Variants in LONP2 observed in about 807,000 individuals in gnomAD.
LONP2 encodes lon peptidase 2, peroxisomal, also known as lon protease homolog 2, peroxisomal.
A neutral mutation model predicts 85.6 loss-of-function variants in LONP2; 60 were observed. The ratio of observed to expected loss-of-function variants is 0.70; its 90% CI spans 0.57 to 0.87. LONP2 has a LOEUF of 0.87. Among genes scored for constraint, LONP2 ranks in the 40% least tolerant of loss-of-function variants. The probability of loss-of-function intolerance (pLI) is 0.00; values close to 1 mark genes in which losing one functional copy is unlikely to be tolerated. For missense variants in LONP2, 860 were observed against 1,063.5 expected (o/e 0.81, Z 2.66); for synonymous variants, 395 against 389.7 (o/e 1.01, Z -0.16).
intron 11 of LONP2, among the ~76,000 whole-genome samples, chr16:48,306,104 C>A (rs79274822): frequency 6.6e-6 from 1 of 152,168 alleles, no homozygotes; most frequent in Non-Finnish European, 1.5e-5. Flanking sequence ...TTCCTTTGTG[C>A]TGTGATCTCA....
At chr16:48,321,614 T>A (rs1195669086) in intron 11 of LONP2, among the ~76,000 whole-genome samples, 1 of 152,240 alleles carries the variant, frequency 6.6e-6, no homozygotes, top group East Asian at 1.9e-4. Flanking sequence ...TATAGCTTTC[T>A]ACACACCTAG....
At chr16:48,349,152 A>G (rs1350483439) in intron 14 of LONP2, among the ~76,000 whole-genome samples, 1 of 152,108 alleles carries the variant, frequency 6.6e-6, no homozygotes, top group East Asian at 1.9e-4. Context: ...ACAGAACTTG[A>G]GAGTATTTAA....
chr16:48,298,626 GGTGTGTGTGTGTGTGTGT>G (rs3138605), intron 9 of LONP2, among the ~76,000 whole-genome samples: 20 of 134,396 alleles, frequency 1.5e-4, no homozygotes, highest in Admixed American at 3.1e-4. Flanking sequence ...ATTTAATTGA[GGTGTGTGTGTGTGTGTGT>G]GTGTGTGTGT....
intron 11 of LONP2, among the ~76,000 whole-genome samples, chr16:48,332,667 T>C (rs1959494813): frequency 6.7e-6 from 1 of 149,250 alleles, no homozygotes. Flanking sequence ...GCCATGATTG[T>C]GGCACTACAC....
At chr16:48,351,555 C>A (rs745876135) in intron 14 of LONP2, 26 bp from the exon 15 acceptor site, 1 of 1,602,734 alleles carries the variant, frequency 6.2e-7, no homozygotes, top group African/African-American at 1.3e-5. Flanking sequence ...ATCATTAACC[C>A]TAAAAACTTT....
rs529955822 is a variant in LONP2, at chr16:48,308,184, C to T, written c.1795+4879C>T. 2.6e-5 allele frequency among the ~76,000 whole-genome samples: 4 copies of T among 152,206 alleles called. No individual in the cohort carries two copies. In the South Asian group the frequency reaches 8.3e-4, roughly 32 times the overall value. On this transcript the variant is annotated intron_variant, in intron 11 of 14. Coordinates refer to ENST00000285737, the MANE Select transcript of LONP2 (RefSeq NM_031490.5). The stretch of plus-strand genomic sequence containing the variant: ...AGAATGCAGAAACTAGAAATAAAGC[C>T]ACAAATCTACAGCCAACTGATCTTT...
At chr16:48,271,174 TCAAACAAA>T (rs112143182) in intron 7 of LONP2, among the ~76,000 whole-genome samples, 2,067 of 152,056 alleles carry the variant, frequency 0.014, 47 homozygotes, top group African/African-American at 0.047. Flanking sequence ...AGACATTATC[TCAAACAAA>T]CAAACAAACA....
At chr16:48,361,462 C>G, downstream of LONP2, 1 of 928,116 alleles carries the variant, frequency 1.1e-6, no homozygotes, top group Non-Finnish European at 1.7e-6. Context: ...TTTTTATTTA[C>G]CTTCATGTGT....
In LONP2 at chr16:48,258,759, C is replaced by A. The variant is rs750945646; in HGVS notation, c.723+19C>A. ...TAAGAGGGTAAATATTTATTTTAAC[C>A]CATTTCAGTTTTGAAAAAAAAATAA... is the stretch of plus-strand genomic sequence containing the variant. On this transcript the variant is annotated intron_variant, in intron 4 of 14. Coordinates refer to ENST00000285737, the MANE Select transcript of LONP2 (RefSeq NM_031490.5). 1.3e-6 allele frequency: 2 copies of A among 1,575,896 alleles called. No individual in the cohort carries two copies. The highest frequency in any genetic ancestry group is 8.6e-7 in the Non-Finnish European group (1 of 1,166,904).
Position 48,262,967 on chromosome 16 carries a change from C to T in LONP2, c.982+95C>T, listed in dbSNP as rs866818242. 4.2e-5 allele frequency: 32 copies of T among 753,186 alleles called. No individual in the cohort carries two copies. The Middle Eastern group carries it at 1.7e-3, about 39-fold the overall frequency. The allele number at this position is 753,186 out of a possible 1,614,324, so 46.7% of individuals were successfully genotyped here. On this transcript the variant is annotated intron_variant, in intron 6 of 14. Coordinates refer to ENST00000285737, the MANE Select transcript of LONP2 (RefSeq NM_031490.5). ...CAAATTTACTCCACTGATTGTCGTA[C>T]TGTTAAATTATTTTTGTTTTCAATT...
chr16:48,347,736 G>C (rs776995256), intron 13 of LONP2, 22 bp downstream of exon 13: 1 of 1,602,128 alleles, frequency 6.2e-7, no homozygotes. Context: ...CACCCGGCCA[G>C]GCAGGCGTGA....
At chr16:48,358,753 T>C (rs1960466128), downstream of LONP2, among the ~76,000 whole-genome samples, 1 of 152,152 alleles carries the variant, frequency 6.6e-6, no homozygotes, top group Non-Finnish European at 1.5e-5. Context: ...CCCAGGAGTT[T>C]GAGGCTGCAG....
At chr16:48,277,154 A>G (rs1488442579) in intron 7 of LONP2, among the ~76,000 whole-genome samples, 184 bp from the exon 8 acceptor site, 1 of 152,258 alleles carries the variant, frequency 6.6e-6, no homozygotes, top group Non-Finnish European at 1.5e-5. Context: ...AGTAGAAGAT[A>G]AGATTAGAAT....
intron 8 of LONP2, among the ~76,000 whole-genome samples, chr16:48,293,359 C>T (rs1343090964): frequency 6.6e-6 from 1 of 151,722 alleles, no homozygotes; most frequent in Non-Finnish European, 1.5e-5. Context: ...GCCCGGGAGG[C>T]GGAGCTTGCA....
In LONP2 at chr16:48,270,075, A is replaced by T; in HGVS notation, c.1042A>T (p.Lys348Ter). The change falls in exon 7 of 15, where the codon AAA (lysine) becomes TAA (stop). Residue 348 changes from lysine to a stop codon, truncating the protein, a stop_gained. Coordinates refer to ENST00000285737, the MANE Select transcript of LONP2 (RefSeq NM_031490.5). LOFTEE classifies it high-confidence loss of function. ...LLDNDHYAME[K>*]LKKRVLEYLA... ...GGATAATGACCATTACGCCATGGAA[A>T]AATTGAAGAAAAGAGTACTGGAATA... 1 of 1,614,052 alleles carries T rather than the reference A, an allele frequency of 6.2e-7. No homozygotes were observed. Among genetic ancestry groups the T allele is most frequent in the Non-Finnish European group, 8.5e-7 (1 of 1,179,958 alleles).
intron 8 of LONP2, among the ~76,000 whole-genome samples, chr16:48,281,422 A>G (rs935113442): frequency 6.6e-6 from 1 of 152,212 alleles, no homozygotes. Flanking sequence ...TACTTAATTA[A>G]TAAATGGTGG....
chr16:48,265,304 A>T (rs1042527678), intron 6 of LONP2, among the ~76,000 whole-genome samples: 1 of 152,186 alleles, frequency 6.6e-6, no homozygotes. Context: ...ACCAATGTCA[A>T]GGAGCTTTTA....
intron 11 of LONP2, among the ~76,000 whole-genome samples, chr16:48,305,531 A>C (rs1386099953): frequency 6.6e-6 from 1 of 152,214 alleles, no homozygotes; most frequent in African/African-American, 2.4e-5. Context: ...CTGGGATTAC[A>C]GGTGTGAGCC....
chr16:48,326,784 T>C lies in LONP2; in HGVS notation c.1796-7432T>C, dbSNP rs562965418. 5.3e-5 allele frequency among the ~76,000 whole-genome samples: 8 copies of C among 152,342 alleles called. No homozygotes were observed. In the South Asian group the frequency reaches 1.2e-3, roughly 24 times the overall value. Reference sequence around the variant, plus strand: ...CTGAGTTATTACAACCCCCTTATCCTTCCTCCTTACTTCCCCTTTCAATAA... The same window carrying C: ...CTGAGTTATTACAACCCCCTTATCCCTCCTCCTTACTTCCCCTTTCAATAA... On this transcript the variant is annotated intron_variant, in intron 11 of 14. Coordinates refer to ENST00000285737, the MANE Select transcript of LONP2 (RefSeq NM_031490.5).
Sources: gnomAD v4.1 joint callset for allele counts (sites outside exome capture counted in the v4.1 genomes callset) on GRCh38, gnomAD v4.1.1 for gene constraint, MANE v1.5 for transcripts, NCBI Gene and HGNC (gene_info 2026-07-23, HGNC 2026-07-21) for gene names.